The following XRRA1 variants were observed in gnomAD, a reference collection of about 807,000 sequenced individuals.
The protein encoded by XRRA1 is X-ray radiation resistance associated 1.
In XRRA1, 69 loss-of-function variants were observed where a neutral mutation model predicts 80.2. The observed-to-expected ratio is 0.86, with a 90% CI of 0.71 to 1.05. XRRA1 has a LOEUF of 1.05. XRRA1 is among the 50% of genes least tolerant of loss of function. The pLI, the probability that XRRA1 is intolerant of heterozygous loss-of-function variation, is 0.00. For synonymous variants in XRRA1, 348 were observed against 389.9 expected, an observed-to-expected ratio of 0.89 and a Z score of 1.27; for missense variants, 967 against 976.4, an observed-to-expected ratio of 0.99 and a Z score of 0.13.
At chr11:74,877,825 G>T (rs1047997601) in intron 10 of XRRA1, among the ~76,000 whole-genome samples, 282 of 152,170 alleles carry the variant, frequency 1.9e-3, no homozygotes, top group African/African-American at 6.5e-3. Context: ...GTATTCTATG[G>T]TGTTTATGTG....
chr11:74,859,353 C>G (rs1372176093), intron 11 of XRRA1, 70 bp from the exon 12 acceptor site: 4 of 1,504,212 alleles, frequency 2.7e-6, no homozygotes, highest in Non-Finnish European at 3.6e-6. Context: ...CCAACAGACC[C>G]TTTCAATGGA....
chr11:74,929,021 C>T (rs755337138), intron 6 of XRRA1, among the ~76,000 whole-genome samples: 46 of 152,274 alleles, frequency 3.0e-4, no homozygotes, highest in Middle Eastern at 3.4e-3. Flanking sequence ...AACACCTTTT[C>T]ATATACCTAT....
chr11:74,927,296 A>G, intron 7 of XRRA1, 95 bp downstream of exon 7: 1 of 405,936 alleles, frequency 2.5e-6, no homozygotes, highest in Non-Finnish European at 4.4e-6. Context: ...CAGGCCCAGC[A>G]AGCCCCTTCC....
intron 10 of XRRA1, among the ~76,000 whole-genome samples, chr11:74,870,156 C>T (rs1165103743): frequency 6.6e-6 from 1 of 152,228 alleles, no homozygotes; most frequent in East Asian, 1.9e-4. Flanking sequence ...CCACCCATCT[C>T]AAGACTTAGA....
In XRRA1 at chr11:74,872,004, A is replaced by T. The variant is rs572692928; in HGVS notation, c.1004-8983T>A. ...ACAGTAGGCCAAAAAGGAAAAGAGA[A>T]AATAGGGAAGGTGAAGAGATAGGGG... On this transcript the variant is annotated intron_variant, in intron 10 of 18. Coordinates refer to ENST00000684022, the MANE Select transcript of XRRA1 (RefSeq NM_001378157.1). Among the ~76,000 whole-genome samples, 253 of 152,364 alleles carry T rather than the reference A, an allele frequency of 1.7e-3. 1 individual carries two copies. Among genetic ancestry groups the T allele is most frequent in the African/African-American group, 5.9e-3 (244 of 41,592 alleles).
In XRRA1 at chr11:74,892,232, G is replaced by C. The variant is rs543007754; in HGVS notation, c.1003+14007C>G. ...ATATAGACCAATGGAACAGAACAGA[G>C]CCCTCAGAAATAACGCTGCATATCT... On this transcript the variant is annotated intron_variant, in intron 10 of 18. Transcript: ENST00000684022. Among the ~76,000 whole-genome samples the C allele has an allele frequency of 1.8e-4, 27 of 152,176 alleles. 1 individual carries two copies. In the South Asian group the frequency reaches 5.4e-3, roughly 30 times the overall value.
At position 74,906,434 on chromosome 11, in the gene XRRA1, C is replaced by T. The variant is rs371817480; in HGVS notation, c.808G>A (p.Glu270Lys). 6.2e-7 allele frequency: 1 copy of T among 1,613,836 alleles called. No individual in the cohort carries two copies. Among genetic ancestry groups the T allele is most frequent in the African/African-American group, 1.3e-5 (1 of 74,918 alleles). The change falls in exon 10 of 19, where the codon GAA becomes AAA. Residue 270 changes from glutamate (E) to lysine (K), a missense_variant. Transcript: ENST00000684022. ...LRRLKKLSLD[E>K]NRIIRIPYLQ... is the part of the protein sequence containing the mutation. The stretch of plus-strand genomic sequence containing the variant: ...TATGGGATCCTGATAATCCTGTTTT[C>T]ATCCAAGCTTAACTTCTTCAGTCTT...
chr11:74,946,900 C>T (rs1002523193), intron 1 of XRRA1, among the ~76,000 whole-genome samples: 3 of 152,196 alleles, frequency 2.0e-5, no homozygotes, highest in Middle Eastern at 3.4e-3. Flanking sequence ...TACAGGCGCC[C>T]GCCACCATGC....
chr11:74,903,004 A>T (rs987583784), intron 10 of XRRA1, among the ~76,000 whole-genome samples: 2 of 152,238 alleles, frequency 1.3e-5, no homozygotes, highest in African/African-American at 4.8e-5. Context: ...TATAAATTAA[A>T]AAGTTTTTAA....
At chr11:74,882,412 T>C (rs1590962295) in intron 10 of XRRA1, among the ~76,000 whole-genome samples, 1 of 151,666 alleles carries the variant, frequency 6.6e-6, no homozygotes, top group South Asian at 2.1e-4. Flanking sequence ...TACATTCTTC[T>C]AAATTTTTTT....
At chr11:74,938,839 T>C (rs1945685314) in intron 3 of XRRA1, among the ~76,000 whole-genome samples, 1 of 151,926 alleles carries the variant, frequency 6.6e-6, no homozygotes, top group Non-Finnish European at 1.5e-5. Flanking sequence ...TCCCCCACAA[T>C]CACACAAAGT....
chr11:74,881,688 TG>T (rs1181174284), intron 10 of XRRA1, among the ~76,000 whole-genome samples: 4 of 152,174 alleles, frequency 2.6e-5, no homozygotes, highest in African/African-American at 9.7e-5. Flanking sequence ...CAGGAGCTCT[TG>T]TAAGGCAGGC....
At chr11:74,916,626 T>C (rs1233744195) in intron 8 of XRRA1, among the ~76,000 whole-genome samples, 1 of 151,630 alleles carries the variant, frequency 6.6e-6, no homozygotes, top group Non-Finnish European at 1.5e-5. Context: ...TTTTAAAGTC[T>C]TTATCTAGTA....
At chr11:74,855,326 C>G (rs1009811205) in intron 12 of XRRA1, among the ~76,000 whole-genome samples, 1 of 152,158 alleles carries the variant, frequency 6.6e-6, no homozygotes, top group Non-Finnish European at 1.5e-5. Flanking sequence ...AGAATTTAAT[C>G]TTGTCAGGAT....
intron 1 of XRRA1, among the ~76,000 whole-genome samples, chr11:74,948,436 T>C (rs1296006828): frequency 2.0e-5 from 3 of 152,254 alleles, no homozygotes; most frequent in Non-Finnish European, 2.9e-5. Flanking sequence ...ACCAGGTCTA[T>C]CTTGATCCCC....
At chr11:74,858,670 C>T (rs192928958) in intron 12 of XRRA1, among the ~76,000 whole-genome samples, 1 of 152,126 alleles carries the variant, frequency 6.6e-6, no homozygotes, top group Non-Finnish European at 1.5e-5. Flanking sequence ...CTTGACTCAC[C>T]CCTCTTCACC....
Position 74,894,153 on chromosome 11 carries a change from C to T in XRRA1, c.1003+12086G>A, listed in dbSNP as rs185390930. On this transcript the variant is annotated intron_variant, in intron 10 of 18. Transcript: ENST00000684022. ...GAGACCATTATCCTAAGAAAATTAA[C>T]ACAGGAATAGAAAACCAAGTACTGA... is the stretch of plus-strand genomic sequence containing the variant. Among the ~76,000 whole-genome samples, 420 of 152,222 alleles carry T rather than the reference C, an allele frequency of 2.8e-3. 2 individuals are homozygous for T. The highest frequency in any genetic ancestry group is 0.01 in the Middle Eastern group (3 of 294).
Position 74,842,987 on chromosome 11 carries a change from T to G in XRRA1, c.*213A>C, listed in dbSNP as rs979476249. 1.6e-6 allele frequency: 1 copy of G among 622,620 alleles called. No individual in the cohort carries two copies. Among genetic ancestry groups the G allele is most frequent in the African/African-American group, 1.8e-5 (1 of 54,492 alleles). 38.6% of individuals were successfully genotyped at this position (622,620 alleles called of 1,614,324 possible). ...AGTCTATTGCCCTGTGCACCCACTC[T>G]TTATTGCCGCTGGGCCAGGCACCAG... On this transcript the variant is annotated 3_prime_UTR_variant, in exon 19 of 19. Transcript: ENST00000684022.
At chr11:74,871,595 C>T (rs1360160087) in intron 10 of XRRA1, among the ~76,000 whole-genome samples, 1 of 152,282 alleles carries the variant, frequency 6.6e-6, no homozygotes, top group East Asian at 1.9e-4. Flanking sequence ...CAACTTCAGG[C>T]AGCTATTGAG....
Sources: gnomAD v4.1 joint callset for allele counts (sites outside exome capture counted in the v4.1 genomes callset) on GRCh38, gnomAD v4.1.1 for gene constraint, MANE v1.5 for transcripts, NCBI Gene and HGNC (gene_info 2026-07-23, HGNC 2026-07-21) for gene names.